GABRG3: variants seen among roughly 807,000 people sequenced by gnomAD.
GABRG3 encodes gamma-aminobutyric acid receptor subunit gamma-3.
Under a neutral mutation model 48.8 loss-of-function variants are expected in GABRG3, and 25 were observed. The observed-to-expected ratio is 0.51, with a 90% CI of 0.37 to 0.72. The LOEUF is 0.72. Among genes scored for constraint, GABRG3 ranks in the 30% least tolerant of loss-of-function variants. GABRG3 has a pLI of 0.00. For missense variants in GABRG3, 394 were observed against 577.9 expected, an observed-to-expected ratio of 0.68 and a Z score of 3.26; for synonymous variants, 227 against 217.6, an observed-to-expected ratio of 1.04 and a Z score of -0.38.
At chr15:27,217,753 G>A (rs1348325134) in intron 3 of GABRG3, among the ~76,000 whole-genome samples, 1 of 152,182 alleles carries the variant, frequency 6.6e-6, no homozygotes, top group East Asian at 1.9e-4. Flanking sequence ...TCTCAACATA[G>A]GCACACATAG....
chr15:27,108,465 A>G (rs1030543975), intron 3 of GABRG3, among the ~76,000 whole-genome samples: 1 of 152,210 alleles, frequency 6.6e-6, no homozygotes, highest in African/African-American at 2.4e-5. Context: ...GGTTCAGTGC[A>G]TGGTCTATTA....
chr15:27,120,544 C>A (rs1305707288), intron 3 of GABRG3, among the ~76,000 whole-genome samples: 1 of 151,968 alleles, frequency 6.6e-6, no homozygotes, highest in South Asian at 2.1e-4. Flanking sequence ...TTATCTTTGG[C>A]CCCTGATAAA....
At chr15:27,374,708 G>T (rs1895535117) in intron 5 of GABRG3, among the ~76,000 whole-genome samples, 1 of 152,160 alleles carries the variant, frequency 6.6e-6, no homozygotes, top group East Asian at 1.9e-4. Flanking sequence ...TGTGGAGCAG[G>T]TTACCATGTT....
intron 3 of GABRG3, among the ~76,000 whole-genome samples, chr15:27,036,012 A>T (rs1896171400): frequency 6.6e-6 from 1 of 152,342 alleles, no homozygotes; most frequent in Non-Finnish European, 1.5e-5. Context: ...TGCTAATCCA[A>T]TAAATATGGC....
intron 2 of GABRG3, among the ~76,000 whole-genome samples, chr15:27,024,614 G>T (rs1595478855): frequency 6.6e-6 from 1 of 152,172 alleles, no homozygotes; most frequent in Non-Finnish European, 1.5e-5. Context: ...ATTTGTCAGG[G>T]TTTAGTCTTG....
intron 3 of GABRG3, among the ~76,000 whole-genome samples, chr15:27,173,708 A>G (rs912644172): frequency 1.3e-5 from 2 of 148,962 alleles, no homozygotes; most frequent in African/African-American, 5.0e-5. Flanking sequence ...TCGCTGCCAA[A>G]AAAAAAAAAA....
intron 5 of GABRG3, among the ~76,000 whole-genome samples, chr15:27,429,347 A>G (rs1888381789): frequency 6.6e-6 from 1 of 152,212 alleles, no homozygotes; most frequent in South Asian, 2.1e-4. Flanking sequence ...CTTCAGAGTT[A>G]GCAGAAGGGC....
intron 5 of GABRG3, among the ~76,000 whole-genome samples, chr15:27,419,788 A>T (rs1323794633): frequency 6.6e-6 from 1 of 152,142 alleles, no homozygotes; most frequent in Non-Finnish European, 1.5e-5. Context: ...GTGGCTCAAA[A>T]CCATGTTGAA....
chr15:27,145,730 CTT>C (rs1898198201), intron 3 of GABRG3, among the ~76,000 whole-genome samples: 1 of 151,616 alleles, frequency 6.6e-6, no homozygotes, highest in African/African-American at 2.4e-5. Context: ...AATCTTCAAA[CTT>C]GATGAAAACC....
intron 3 of GABRG3, among the ~76,000 whole-genome samples, chr15:27,270,779 G>A (rs111713160): frequency 1.1e-4 from 17 of 152,140 alleles, no homozygotes; most frequent in Non-Finnish European, 2.2e-4. Flanking sequence ...ATATGGTCAC[G>A]ATCCTGATTT....
At chr15:27,385,048 C>T (rs1238373906) in intron 5 of GABRG3, among the ~76,000 whole-genome samples, 2 of 152,180 alleles carry the variant, frequency 1.3e-5, no homozygotes, top group Non-Finnish European at 2.9e-5. Flanking sequence ...AAATGTTCCT[C>T]CTGCCCTTTC....
chr15:27,131,146 TATTG>T (rs1180140395), intron 3 of GABRG3, among the ~76,000 whole-genome samples: 1 of 152,166 alleles, frequency 6.6e-6, no homozygotes, highest in Non-Finnish European at 1.5e-5. Context: ...AGTCATTCAC[TATTG>T]AATGTGATGT....
At chr15:26,999,103 T>G (rs1475061467) in intron 2 of GABRG3, among the ~76,000 whole-genome samples, 1 of 150,802 alleles carries the variant, frequency 6.6e-6, no homozygotes, top group African/African-American at 2.4e-5. Context: ...CATCCATGGA[T>G]TAAACCAACC....
chr15:27,469,118 G>A (rs1417174748), intron 5 of GABRG3, among the ~76,000 whole-genome samples: 1 of 152,114 alleles, frequency 6.6e-6, no homozygotes, highest in Non-Finnish European at 1.5e-5. Context: ...GCTACTGCAG[G>A]GGACTGCTGT....
intron 3 of GABRG3, among the ~76,000 whole-genome samples, chr15:27,178,232 A>T (rs1011854083): frequency 6.6e-6 from 1 of 152,160 alleles, no homozygotes; most frequent in African/African-American, 2.4e-5. Flanking sequence ...GTGTGGAAAG[A>T]GTTGATGGTT....
At chr15:27,231,055 T>C (rs1486149375) in intron 3 of GABRG3, among the ~76,000 whole-genome samples, 1 of 149,804 alleles carries the variant, frequency 6.7e-6, no homozygotes, top group Admixed American at 6.6e-5. Context: ...GTGTGATTTC[T>C]TCCTAATATT....
chr15:27,025,148 T>C (rs1895963430), intron 2 of GABRG3, among the ~76,000 whole-genome samples: 1 of 152,152 alleles, frequency 6.6e-6, no homozygotes. Flanking sequence ...CATGGCACTG[T>C]TGCACTTATT....
intron 3 of GABRG3, among the ~76,000 whole-genome samples, chr15:27,128,765 A>G (rs1318622784): frequency 6.6e-6 from 1 of 152,198 alleles, no homozygotes; most frequent in Non-Finnish European, 1.5e-5. Flanking sequence ...TAGACAAGTG[A>G]CAATTTCTGG....
intron 3 of GABRG3, among the ~76,000 whole-genome samples, chr15:27,052,328 A>T (rs929653888): frequency 6.6e-6 from 1 of 152,190 alleles, no homozygotes; most frequent in Non-Finnish European, 1.5e-5. Context: ...AATGGTGACC[A>T]GATCAGAGAA....
Sources: gnomAD v4.1 joint callset for allele counts (sites outside exome capture counted in the v4.1 genomes callset) on GRCh38, gnomAD v4.1.1 for gene constraint, MANE v1.5 for transcripts, NCBI Gene and HGNC (gene_info 2026-07-23, HGNC 2026-07-21) for gene names.